SLCO1A2: variants seen among roughly 807,000 people sequenced by gnomAD.
SLCO1A2 encodes the protein OATP-1.
SLCO1A2 carries 67 observed loss-of-function variants against 69.0 expected under a neutral mutation model. The ratio of observed to expected loss-of-function variants is 0.97; its 90% CI spans 0.80 to 1.19. The LOEUF is 1.19. SLCO1A2 is among the 50% of genes most tolerant of loss of function. The pLI, the probability that SLCO1A2 is intolerant of heterozygous loss-of-function variation, is 0.00. For missense variants in SLCO1A2, 787 were observed against 793.7 expected, an observed-to-expected ratio of 0.99 and a Z score of 0.10; for synonymous variants, 260 against 265.9, an observed-to-expected ratio of 0.98 and a Z score of 0.22.
chr12:21,300,463 A>G lies in SLCO1A2; in HGVS notation c.795T>C (p.Phe265=), dbSNP rs1435239056. The change falls in exon 8 of 15, where the codon TTT becomes TTC. Residue 265 remains phenylalanine, a synonymous_variant. Coordinates refer to ENST00000683939, the MANE Select transcript of SLCO1A2 (RefSeq NM_001386879.1). Reference sequence around the variant, plus strand: ...CTTCCTTTGGAAGTGTGTTGGGCAAAAAGAAAAAAGGAATGGCAGTGAGCA... The same window carrying G: ...CTTCCTTTGGAAGTGTGTTGGGCAAGAAGAAAAAAGGAATGGCAGTGAGCA... ...VNVLTAIPFF[F]LPNTLPKEGL... 6.2e-7 allele frequency: 1 copy of G among 1,613,608 alleles called. No homozygotes were observed. The highest frequency in any genetic ancestry group is 1.1e-5 in the South Asian group (1 of 91,054).
chr12:21,371,398 T>C (rs1939778736), intron 2 of SLCO1A2, among the ~76,000 whole-genome samples: 1 of 139,204 alleles, frequency 7.2e-6, no homozygotes, highest in South Asian at 2.2e-4. Context: ...TCCATTTCTT[T>C]TGATTTTTTT....
At chr12:21,349,812 G>A (rs1308794748) in intron 2 of SLCO1A2, among the ~76,000 whole-genome samples, 1 of 152,130 alleles carries the variant, frequency 6.6e-6, no homozygotes, top group Non-Finnish European at 1.5e-5. Context: ...ATCTGTAAGT[G>A]CCACTTTAGG....
chr12:21,334,604 C>A lies in SLCO1A2; in HGVS notation c.44G>T (p.Cys15Phe). ...ATTCCATACCTTCAACTTGGAAAGA[C>A]ATCTTATTCTATGGGTTTCAATTCT... Reference protein sequence around the residue: ...EKRIETHRIRCLSKLKMFLLA... With the variant: ...EKRIETHRIRFLSKLKMFLLA... The change falls in exon 2 of 15, where the codon TGT becomes TTT. Residue 15 changes from cysteine (C) to phenylalanine (F), a missense_variant. Cys to Phe is a radical substitution (Grantham distance 205, BLOSUM62 -2). Coordinates refer to ENST00000683939, the MANE Select transcript of SLCO1A2 (RefSeq NM_001386879.1). The A allele has an allele frequency of 6.2e-7, 1 of 1,610,114 alleles. No individual in the cohort carries two copies. Among genetic ancestry groups the A allele is most frequent in the Non-Finnish European group, 8.5e-7 (1 of 1,177,600 alleles).
At chr12:21,400,464 T>C in intron 1 of SLCO1A2, among the ~76,000 whole-genome samples, 1 of 151,496 alleles carries the variant, frequency 6.6e-6, no homozygotes, top group Admixed American at 6.6e-5. Context: ...TGGAAGTCAG[T>C]GTGGCGATTC....
At chr12:21,405,500 A>G (rs1167306125) in intron 1 of SLCO1A2, among the ~76,000 whole-genome samples, 2 of 152,212 alleles carry the variant, frequency 1.3e-5, no homozygotes, top group Admixed American at 1.3e-4. Context: ...ACAAAGCTTC[A>G]GGCATCATGA....
upstream of SLCO1A2, among the ~76,000 whole-genome samples, chr12:21,338,879 A>T (rs1405043013): frequency 1.3e-5 from 2 of 151,946 alleles, no homozygotes; most frequent in African/African-American, 4.8e-5. Context: ...CAACACATTT[A>T]TTTATGTATT....
chr12:21,413,424 TAG>T (rs1422031856), intron 1 of SLCO1A2, among the ~76,000 whole-genome samples: 1 of 151,824 alleles, frequency 6.6e-6, no homozygotes, highest in African/African-American at 2.4e-5. Context: ...GTATTTTTAG[TAG>T]AGACAGGGTT....
intron 1 of SLCO1A2, among the ~76,000 whole-genome samples, chr12:21,387,264 G>A (rs191548017): frequency 1.5e-4 from 23 of 152,302 alleles, no homozygotes; most frequent in East Asian, 3.9e-4. Flanking sequence ...AGAAATTTGC[G>A]TAAGTAACAA....
At chr12:21,364,758 C>A (rs1939232732) in intron 2 of SLCO1A2, among the ~76,000 whole-genome samples, 1 of 152,150 alleles carries the variant, frequency 6.6e-6, no homozygotes, top group South Asian at 2.1e-4. Flanking sequence ...CAATAACAGA[C>A]AAACGGAGAG....
chr12:21,325,764 T>C (rs1470029048), intron 2 of SLCO1A2, among the ~76,000 whole-genome samples: 1 of 152,210 alleles, frequency 6.6e-6, no homozygotes, highest in African/African-American at 2.4e-5. Context: ...TCCAAATATT[T>C]TAATCACCCT....
At chr12:21,417,005 GAAT>G (rs1296353480) in intron 1 of SLCO1A2, among the ~76,000 whole-genome samples, 2 of 152,128 alleles carry the variant, frequency 1.3e-5, no homozygotes, top group Admixed American at 1.3e-4. Flanking sequence ...CAGTGATTGA[GAAT>G]GTTGAGTCTT....
At chr12:21,283,150 A>G (rs987273873) in intron 12 of SLCO1A2, among the ~76,000 whole-genome samples, 1 of 152,130 alleles carries the variant, frequency 6.6e-6, no homozygotes, top group African/African-American at 2.4e-5. Flanking sequence ...GAGGAATCAC[A>G]TTACTTGACT....
At chr12:21,351,456 G>C (rs1026948600) in intron 2 of SLCO1A2, among the ~76,000 whole-genome samples, 1 of 151,960 alleles carries the variant, frequency 6.6e-6, no homozygotes, top group African/African-American at 2.4e-5. Context: ...TTTTTTAGAT[G>C]CCTTATAATA....
chr12:21,413,058 C>T (rs927190408), intron 1 of SLCO1A2, among the ~76,000 whole-genome samples: 1 of 152,082 alleles, frequency 6.6e-6, no homozygotes, highest in Non-Finnish European at 1.5e-5. Flanking sequence ...AAATGATGTT[C>T]CAGAAATATT....
intron 1 of SLCO1A2, chr12:21,379,498 T>C (rs767041415): frequency 6.6e-6 from 1 of 152,250 alleles, no homozygotes; most frequent in Non-Finnish European, 1.5e-5. Context: ...CTTTGCTGTA[T>C]AAGAATTATT....
chr12:21,293,974 C>T lies in SLCO1A2; in HGVS notation c.1408G>A (p.Glu470Lys), dbSNP rs762200199. The change falls in exon 11 of 15, where the codon GAG becomes AAG. Residue 470 changes from glutamate (E) to lysine (K), a missense_variant. By Grantham distance (56) the Glu-to-Lys change is moderately conservative. Transcript: ENST00000683939. ...SYLSACLAGC[E>K]TSIGTGINMV... ...TTTATTCCCGTTCCAATGGATGTCT[C>T]ACAACCAGCAAGACAAGCTGACAGA... 1.9e-6 allele frequency: 3 copies of T among 1,611,360 alleles called. No homozygotes were observed. The Admixed American group carries it at 5.0e-5, about 27-fold the overall frequency.
upstream of SLCO1A2, among the ~76,000 whole-genome samples, chr12:21,337,159 G>T (rs1390304181): frequency 2.6e-4 from 39 of 152,102 alleles, no homozygotes; most frequent in Non-Finnish European, 1.5e-5. Flanking sequence ...ACATTGTTAT[G>T]TAGTAGATCT....
chr12:21,356,529 A>T (rs913039794), intron 2 of SLCO1A2, among the ~76,000 whole-genome samples: 1 of 130,868 alleles, frequency 7.6e-6, no homozygotes, highest in Non-Finnish European at 1.7e-5. Context: ...GTAAGAAAAA[A>T]ATGAGTCATG....
rs141988529 is a variant in SLCO1A2 at position 21,376,756 on chromosome 12, G to T, written c.-189-2231C>A. Among the ~76,000 whole-genome samples the T allele has an allele frequency of 3.2e-3, 487 of 151,996 alleles. 2 individuals carry two copies. The highest frequency in any genetic ancestry group is 7.8e-3 in the African/African-American group (324 of 41,480). ...GATAATGAAATACTCCCCACACAAG[G>T]TAAACACAATGAGATAAATCCATTG... is the stretch of plus-strand genomic sequence containing the variant. On this transcript the variant is annotated intron_variant, in intron 1 of 15. Transcript: ENST00000307378.
Sources: allele counts gnomAD v4.1 joint callset (sites outside exome capture counted in the v4.1 genomes callset), GRCh38; gene constraint gnomAD v4.1.1; transcripts MANE v1.5; gene names NCBI Gene and HGNC (gene_info 2026-07-23, HGNC 2026-07-21).